Variants in XXYLT1 observed in about 807,000 individuals in gnomAD.
XXYLT1 encodes the protein UDP-xylose:alpha-xyloside alpha-1,3-xylosyltransferase.
Under a neutral mutation model 28.9 loss-of-function variants are expected in XXYLT1, and 20 were observed. That is an observed-to-expected ratio of 0.69 (90% CI 0.49 to 1.00). XXYLT1 has a LOEUF of 1.00. XXYLT1 is among the 50% of genes least tolerant of loss of function. The pLI is 0.00. For synonymous variants in XXYLT1, 257 were observed against 253.8 expected (o/e 1.01, Z -0.12); for missense variants, 542 against 560.1 (o/e 0.97, Z 0.33).
chr3:195,153,316 A>T (rs991933678), intron 3 of XXYLT1, among the ~76,000 whole-genome samples: 2 of 152,210 alleles, frequency 1.3e-5, no homozygotes, highest in African/African-American at 4.8e-5. Context: ...GTACCAAGCC[A>T]TTCCCAGCCC....
At chr3:195,241,676 G>C (rs73069010) in intron 1 of XXYLT1, among the ~76,000 whole-genome samples, 5,156 of 152,050 alleles carry the variant, frequency 0.034, 257 homozygotes, top group African/African-American at 0.11. Flanking sequence ...TCTGCTCAGA[G>C]AACCCTCCCC....
rs1721674541 is a variant in XXYLT1, at chr3:195,176,540, T to C, written c.653-19959A>G. ...TCTTGCTTGTGCGCCATCAGTACGTTCCACCCCTCTGACACACTGGTATAA... is the reference window on the plus strand; with the variant it reads ...TCTTGCTTGTGCGCCATCAGTACGTCCCACCCCTCTGACACACTGGTATAA... On this transcript the variant is annotated intron_variant, in intron 2 of 3. Transcript: ENST00000310380. This position sits in a 1 kb window ranked among gnomAD's most constrained non-coding sequence, Gnocchi z 4.9. Among the ~76,000 whole-genome samples the C allele has an allele frequency of 6.6e-6, 1 of 152,218 alleles. No homozygotes were observed. Among genetic ancestry groups the C allele is most frequent in the South Asian group, 2.1e-4 (1 of 4,838 alleles).
At position 195,229,078 on chromosome 3, in the gene XXYLT1, G is replaced by C. The variant is rs191340991; in HGVS notation, c.505-2222C>G. On this transcript the variant is annotated intron_variant, in intron 1 of 3. Coordinates refer to ENST00000310380, the MANE Select transcript of XXYLT1 (RefSeq NM_152531.5). ...TCCACCCACCTCAGCCTCCCAAAGT[G>C]TTGGATTACAGGTATGAGCCACCGC... 5.9e-4 allele frequency among the ~76,000 whole-genome samples: 89 copies of C among 152,124 alleles called. 2 individuals carry two copies. Among genetic ancestry groups the C allele is most frequent in the Middle Eastern group, 6.8e-3 (2 of 294 alleles).
intron 2 of XXYLT1, among the ~76,000 whole-genome samples, chr3:195,174,006 A>T (rs1267087310): frequency 6.6e-6 from 1 of 152,210 alleles, no homozygotes; most frequent in Non-Finnish European, 1.5e-5. Flanking sequence ...CAGAGGATGG[A>T]GAGGAAGCTC....
At position 195,165,310 on chromosome 3, in the gene XXYLT1, G is replaced by A. The variant is rs186480761; in HGVS notation, c.653-8729C>T. ...CCTCAGCCTCCTCCAGCCAACTACGGCGGAAGCACCAACAACCAAGAGAGG... is the reference window on the plus strand; with the variant it reads ...CCTCAGCCTCCTCCAGCCAACTACGACGGAAGCACCAACAACCAAGAGAGG... On this transcript the variant is annotated intron_variant, in intron 2 of 3. Coordinates refer to ENST00000310380, the MANE Select transcript of XXYLT1 (RefSeq NM_152531.5). Among the ~76,000 whole-genome samples, 3 of 152,176 alleles carry A rather than the reference G, an allele frequency of 2.0e-5. No homozygotes were observed. In the East Asian group the frequency reaches 5.8e-4, roughly 29 times the overall value.
chr3:195,235,786 G>A (rs1020160660), intron 1 of XXYLT1, among the ~76,000 whole-genome samples: 1 of 152,142 alleles, frequency 6.6e-6, no homozygotes, highest in Non-Finnish European at 1.5e-5. Flanking sequence ...ATTTGTAGAT[G>A]CACCACCTTG....
intron 2 of XXYLT1, among the ~76,000 whole-genome samples, chr3:195,223,976 G>A (rs1319464639): frequency 6.6e-6 from 1 of 152,100 alleles, no homozygotes; most frequent in Non-Finnish European, 1.5e-5. Context: ...GACCAACATG[G>A]AGAAACTCCG....
intron 1 of XXYLT1, among the ~76,000 whole-genome samples, chr3:195,236,800 C>T (rs182895299): frequency 9.2e-5 from 14 of 151,926 alleles, no homozygotes; most frequent in Admixed American, 5.9e-4. Context: ...GGGGCTCTTT[C>T]GTCAGCAGGT....
intron 2 of XXYLT1, among the ~76,000 whole-genome samples, chr3:195,169,852 CATAT>C (rs1219186667): frequency 2.3e-4 from 33 of 145,324 alleles, no homozygotes; most frequent in East Asian, 6.0e-4. Context: ...TGTGTGTGTA[CATAT>C]ATATATATAT....
chr3:195,165,834 T>C lies in XXYLT1; in HGVS notation c.653-9253A>G, dbSNP rs1314177851. On this transcript the variant is annotated intron_variant, in intron 2 of 3. Coordinates refer to ENST00000310380, the MANE Select transcript of XXYLT1 (RefSeq NM_152531.5). The stretch of plus-strand genomic sequence containing the variant: ...AAAAAAGATGGACGATCTAGCATCA[T>C]CTAGGAGATAATTAAGTCCCTATAT... Among the ~76,000 whole-genome samples the C allele has an allele frequency of 3.9e-5, 6 of 152,198 alleles. No individual in the cohort carries two copies. In the South Asian group the frequency reaches 1.0e-3, roughly 26 times the overall value.
intron 3 of XXYLT1, among the ~76,000 whole-genome samples, chr3:195,156,025 G>A (rs996513148): frequency 4.6e-5 from 7 of 152,270 alleles, no homozygotes; most frequent in Middle Eastern, 3.4e-3. Flanking sequence ...GTGTTCTGAC[G>A]TCTTCCCTCC....
rs180889015 is a variant in XXYLT1, at chr3:195,247,780, C to A, written c.505-20924G>T. 234 of 702,496 alleles carry A rather than the reference C, an allele frequency of 3.3e-4. 1 individual carries two copies. The highest frequency in any genetic ancestry group is 2.1e-4 in the East Asian group (8 of 37,274). 43.5% of individuals were successfully genotyped at this position (702,496 alleles called of 1,614,324 possible). A position where few individuals can be genotyped will look rare whatever the true frequency, so the allele number is the denominator to read the frequency against. Reference sequence around the variant, plus strand: ...AGGTTTGATGGACTCACAGTTCTGCCTGGCTGGGGAGGCCTCAGGAAACAC... The same window carrying A: ...AGGTTTGATGGACTCACAGTTCTGCATGGCTGGGGAGGCCTCAGGAAACAC... On this transcript the variant is annotated intron_variant, in intron 1 of 3. Coordinates refer to ENST00000310380, the MANE Select transcript of XXYLT1 (RefSeq NM_152531.5).
At position 195,068,809 on chromosome 3, in the gene XXYLT1, C is replaced by T. The variant is rs568514868; in HGVS notation, c.*906G>A. ...TGTTTCCCAGGCTGATCTCGACCTCCGAGGCTCAATCGATACCCCCACCTC... is the reference window on the plus strand; with the variant it reads ...TGTTTCCCAGGCTGATCTCGACCTCTGAGGCTCAATCGATACCCCCACCTC... On this transcript the variant is annotated 3_prime_UTR_variant, in exon 4 of 4. Coordinates refer to ENST00000310380, the MANE Select transcript of XXYLT1 (RefSeq NM_152531.5). 5.3e-5 allele frequency: 8 copies of T among 152,188 alleles called. No homozygotes were observed. The East Asian group carries it at 5.8e-4, about 11-fold the overall frequency. The allele number at this position is 152,188 out of a possible 1,614,324, so 9.4% of individuals were successfully genotyped here.
chr3:195,263,536 C>G (rs1031112273), intron 1 of XXYLT1, among the ~76,000 whole-genome samples: 1 of 152,178 alleles, frequency 6.6e-6, no homozygotes, highest in Admixed American at 6.5e-5. Context: ...GCCAGGCGCC[C>G]CTCACGCTGT....
rs148903152 is a variant in XXYLT1 at position 195,168,454 on chromosome 3, T to C, written c.653-11873A>G. Among the ~76,000 whole-genome samples, 123 of 152,334 alleles carry C rather than the reference T, an allele frequency of 8.1e-4. 1 individual carries two copies. The highest frequency in any genetic ancestry group is 2.7e-3 in the African/African-American group (113 of 41,590). ...AATAGTGTCTTTCCTAGCCTCAAAA[T>C]GCAAATACTGGAGGTTTTTTCACTA... On this transcript the variant is annotated intron_variant, in intron 2 of 3. Coordinates refer to ENST00000310380, the MANE Select transcript of XXYLT1 (RefSeq NM_152531.5). This position sits in a 1 kb window ranked among gnomAD's most constrained non-coding sequence, Gnocchi z 4.3.
intron 3 of XXYLT1, among the ~76,000 whole-genome samples, chr3:195,139,196 G>A (rs750426947): frequency 6.6e-6 from 1 of 152,238 alleles, no homozygotes; most frequent in Non-Finnish European, 1.5e-5. Flanking sequence ...GGACATGGAA[G>A]TGGGTAGGCG....
At chr3:195,151,267 G>T (rs542996320) in intron 3 of XXYLT1, among the ~76,000 whole-genome samples, 17 of 152,338 alleles carry the variant, frequency 1.1e-4, no homozygotes, top group Admixed American at 5.2e-4. Flanking sequence ...TTCAGGGTCA[G>T]GTGTGGTGGC....
rs543358668 is a variant in XXYLT1, at chr3:195,069,695, G to A, written c.*20C>T. On this transcript the variant is annotated 3_prime_UTR_variant, in exon 4 of 4. Coordinates refer to ENST00000310380, the MANE Select transcript of XXYLT1 (RefSeq NM_152531.5). The stretch of plus-strand genomic sequence containing the variant: ...CTTCCCCCAGATCTGGAGGCCCCGG[G>A]GGCAAGGCACGGGGAGCGCCTAGTC... 2 of 1,597,200 alleles carry A rather than the reference G, an allele frequency of 1.3e-6. No homozygotes were observed. Among genetic ancestry groups the A allele is most frequent in the African/African-American group, 2.7e-5 (2 of 74,886 alleles).
intron 3 of XXYLT1, among the ~76,000 whole-genome samples, chr3:195,109,464 TG>T (rs1481994731): frequency 2.6e-5 from 4 of 151,058 alleles, no homozygotes; most frequent in Non-Finnish European, 5.9e-5. Flanking sequence ...TGCGTGTATG[TG>T]GTATATGTGT....
Sources: gnomAD v4.1 joint callset for allele counts (sites outside exome capture counted in the v4.1 genomes callset) on GRCh38, gnomAD v4.1.1 for gene constraint, Gnocchi (gnomAD v3.1) non-coding constraint, MANE v1.5 for transcripts, NCBI Gene and HGNC (gene_info 2026-07-23, HGNC 2026-07-21) for gene names.